Variants in PSMA5 observed in about 807,000 individuals in gnomAD.
PSMA5 encodes proteasome 20S subunit alpha 5, also known as proteasome subunit alpha type-5.
Under a neutral mutation model 34.5 loss-of-function variants are expected in PSMA5, and 3 were observed. That is an observed-to-expected ratio of 0.09 (90% CI 0.04 to 0.22). The LOEUF (loss-of-function observed/expected upper bound fraction) is 0.22. PSMA5 is among the 10% of genes least tolerant of loss of function. PSMA5 has a pLI of 1.00. For missense variants in PSMA5, 120 were observed against 286.1 expected (o/e 0.42, Z 4.19); for synonymous variants, 88 against 95.8 (o/e 0.92, Z 0.47).
At chr1:109,411,260 C>T (rs1653977957) in intron 6 of PSMA5, 147 bp from the exon 7 acceptor site, 1 of 593,560 alleles carries the variant, frequency 1.7e-6, no homozygotes, top group Admixed American at 3.3e-5. Flanking sequence ...AAAAGATGTT[C>T]TATGTCTGGA....
chr1:109,423,145 A>G (rs934803752), intron 1 of PSMA5, among the ~76,000 whole-genome samples: 3 of 152,270 alleles, frequency 2.0e-5, no homozygotes, highest in African/African-American at 7.2e-5. Flanking sequence ...CATGTCATAT[A>G]GTAGTGCTTT....
chr1:109,419,661 T>G (rs1654355600), intron 2 of PSMA5, among the ~76,000 whole-genome samples: 1 of 151,634 alleles, frequency 6.6e-6, no homozygotes, highest in South Asian at 2.1e-4. Context: ...AAATTAGGTG[T>G]GGTGGCACGC....
At chr1:109,404,231 G>A (rs546725251) in intron 8 of PSMA5, among the ~76,000 whole-genome samples, 1 of 152,092 alleles carries the variant, frequency 6.6e-6, no homozygotes, top group Non-Finnish European at 1.5e-5. Flanking sequence ...AGAATTGCTC[G>A]AACATGGGAT....
intron 8 of PSMA5, among the ~76,000 whole-genome samples, chr1:109,404,310 C>CAAATAAATAAAT (rs3060206): frequency 5.3e-5 from 8 of 151,786 alleles, no homozygotes; most frequent in African/African-American, 1.9e-4. Flanking sequence ...GATCCTGTCT[C>CAAATAAATAAAT]AAATAAATAA....
chr1:109,416,728 C>T (rs990642312), intron 2 of PSMA5, among the ~76,000 whole-genome samples: 2 of 152,136 alleles, frequency 1.3e-5, no homozygotes, highest in African/African-American at 4.8e-5. Flanking sequence ...AAATGTACAC[C>T]AGCTTTTTGT....
chr1:109,411,063 A>G lies in PSMA5; in HGVS notation c.509T>C (p.Ile170Thr). 1 of 1,613,796 alleles carries G rather than the reference A, an allele frequency of 6.2e-7. No individual in the cohort carries two copies. Among genetic ancestry groups the G allele is most frequent in the Non-Finnish European group, 8.5e-7 (1 of 1,179,872 alleles). ...CTGGGCACCCTCTGAAGCAGAGCCA[A>G]TTGCTCGAGCATCACACTGTACAAA... ...GTFVQCDARA[I>T]GSASEGAQSS... Residue 170 changes from isoleucine to threonine, a missense_variant, in exon 7 of 9, where the codon ATT becomes ACT. By Grantham distance (89) the Ile-to-Thr change is moderately conservative. Coordinates refer to ENST00000271308, the MANE Select transcript of PSMA5 (RefSeq NM_002790.4).
At chr1:109,414,561 C>G (rs988942096) in intron 3 of PSMA5, among the ~76,000 whole-genome samples, 1 of 152,206 alleles carries the variant, frequency 6.6e-6, no homozygotes, top group African/African-American at 2.4e-5. Flanking sequence ...TGACACTGAG[C>G]TACCTTCAAA....
At chr1:109,411,155 G>A (rs747043915) in intron 6 of PSMA5, 42 bp from the exon 7 acceptor site, 1 of 1,436,306 alleles carries the variant, frequency 7.0e-7, no homozygotes, top group South Asian at 1.2e-5. Context: ...CTCAGGAGTG[G>A]TGGCACTTTA....
rs1365744184 is a variant in PSMA5, at chr1:109,426,409, A to C, written c.-79T>G. Reference sequence around the variant, plus strand: ...CTCCACCGGCACCCAACTCACCGGCAGCCAACTCACCCACACGGCCGCAGT... The same window carrying C: ...CTCCACCGGCACCCAACTCACCGGCCGCCAACTCACCCACACGGCCGCAGT... On this transcript the variant is annotated 5_prime_UTR_variant, in exon 1 of 9. Coordinates refer to ENST00000271308, the MANE Select transcript of PSMA5 (RefSeq NM_002790.4). The C allele has an allele frequency of 4.5e-6, 7 of 1,570,742 alleles. No homozygotes were observed. The highest frequency in any genetic ancestry group is 5.3e-6 in the Non-Finnish European group (6 of 1,140,746).
At chr1:109,415,476 T>A (rs1654153518) in intron 2 of PSMA5, 113 bp from the exon 3 acceptor site, 9 of 1,142,912 alleles carry the variant, frequency 7.9e-6, no homozygotes, top group Admixed American at 2.7e-5. Flanking sequence ...TGGCCACATC[T>A]TATAGGCAGA....
intron 2 of PSMA5, 113 bp downstream of exon 2, chr1:109,421,747 G>T: frequency 1.2e-6 from 1 of 816,992 alleles, no homozygotes; most frequent in Non-Finnish European, 2.0e-6. Context: ...TGCTTAAAGG[G>T]ATATAAGAAC....
intron 7 of PSMA5, 63 bp from the exon 8 acceptor site, chr1:109,410,077 A>AT: frequency 1.8e-6 from 2 of 1,120,948 alleles, no homozygotes; most frequent in South Asian, 2.7e-5. Context: ...TCCTTCAAAG[A>AT]TTTTCCCTTT....
chr1:109,404,111 G>A (rs904147585), intron 8 of PSMA5, among the ~76,000 whole-genome samples: 2 of 152,048 alleles, frequency 1.3e-5, no homozygotes, highest in African/African-American at 4.8e-5. Context: ...ATCACTTGAG[G>A]TCAGGAGTTC....
At chr1:109,418,352 T>C (rs936299940) in intron 2 of PSMA5, among the ~76,000 whole-genome samples, 4 of 152,214 alleles carry the variant, frequency 2.6e-5, no homozygotes, top group Admixed American at 2.6e-4. Flanking sequence ...GGTCTCACTC[T>C]GTTGCCCACG....
At chr1:109,415,462 C>T (rs1654152690) in intron 2 of PSMA5, 99 bp from the exon 3 acceptor site, 13 of 1,284,890 alleles carry the variant, frequency 1.0e-5, no homozygotes, top group Non-Finnish European at 1.4e-5. Context: ...ATAGAAACTT[C>T]AACTGGCCAC....
rs1017497432 is a variant in PSMA5, at chr1:109,419,833, G to A, written c.96+2027C>T. Among the ~76,000 whole-genome samples, 28 of 147,762 alleles carry A rather than the reference G, an allele frequency of 1.9e-4. 2 individuals are homozygous for A. The highest frequency in any genetic ancestry group is 1.1e-3 in the Admixed American group (16 of 14,944). ...AAAAAAAAAAAAAAAAACAAGCCGCGCATGGTTGTGCATAGCTGTAGTCCC... is the reference window on the plus strand; with the variant it reads ...AAAAAAAAAAAAAAAAACAAGCCGCACATGGTTGTGCATAGCTGTAGTCCC... On this transcript the variant is annotated intron_variant, in intron 2 of 8. Coordinates refer to ENST00000271308, the MANE Select transcript of PSMA5 (RefSeq NM_002790.4).
chr1:109,410,945 CATTTTATT>C (rs2100961057), intron 7 of PSMA5, 58 bp downstream of exon 7: 1 of 1,241,358 alleles, frequency 8.1e-7, no homozygotes, highest in East Asian at 2.5e-5. Flanking sequence ...AAGGTTTGCA[CATTTTATT>C]ATATGTAAAT....
chr1:109,412,532 A>G (rs115232080), intron 4 of PSMA5: 2,275 of 198,376 alleles, frequency 0.011, 28 homozygotes, highest in Non-Finnish European at 0.017. Flanking sequence ...TTATTCTTAC[A>G]TAAGTACAGA....
chr1:109,417,406 C>T (rs996270545), intron 2 of PSMA5, among the ~76,000 whole-genome samples: 18 of 152,122 alleles, frequency 1.2e-4, no homozygotes, highest in African/African-American at 4.3e-4. Flanking sequence ...CAACAAGGAC[C>T]TCTGGAAATG....
Sources: gnomAD v4.1 joint callset for allele counts (sites outside exome capture counted in the v4.1 genomes callset) on GRCh38, gnomAD v4.1.1 for gene constraint, MANE v1.5 for transcripts, NCBI Gene and HGNC (gene_info 2026-07-23, HGNC 2026-07-21) for gene names.